PRIM1: variants seen among roughly 807,000 people sequenced by gnomAD.
The protein encoded by PRIM1 is DNA primase subunit 1, also known as DNA primase small subunit.
Under a neutral mutation model 60.2 loss-of-function variants are expected in PRIM1, and 38 were observed. The observed-to-expected ratio is 0.63, with a 90% CI of 0.49 to 0.83. PRIM1 has a LOEUF of 0.83. Among genes scored for constraint, PRIM1 ranks in the 40% least tolerant of loss-of-function variants. The pLI, the probability that PRIM1 is intolerant of heterozygous loss-of-function variation, is 0.00. For missense variants in PRIM1, 388 were observed against 506.2 expected (o/e 0.77, Z 2.24); for synonymous variants, 158 against 160.2 (o/e 0.99, Z 0.10).
intron 7 of PRIM1, among the ~76,000 whole-genome samples, chr12:56,742,466 G>C (rs1275192254): frequency 6.6e-6 from 1 of 152,048 alleles, no homozygotes; most frequent in Non-Finnish European, 1.5e-5. Flanking sequence ...CTATTTGGGA[G>C]GCTGAGGCAG....
intron 11 of PRIM1, among the ~76,000 whole-genome samples, chr12:56,737,540 G>T (rs2137859643): frequency 6.6e-6 from 1 of 151,862 alleles, no homozygotes; most frequent in East Asian, 1.9e-4. Flanking sequence ...GGATAGACAG[G>T]GTTTCTCCAT....
At chr12:56,743,437 A>G (rs1417331976) in intron 6 of PRIM1, 2 of 169,708 alleles carry the variant, frequency 1.2e-5, no homozygotes, top group Non-Finnish European at 2.5e-5. Context: ...GATGCAGCCT[A>G]CACTTTCCAC....
intron 2 of PRIM1, among the ~76,000 whole-genome samples, chr12:56,748,520 G>A (rs537794239): frequency 6.6e-6 from 1 of 151,912 alleles, no homozygotes; most frequent in East Asian, 1.9e-4. Flanking sequence ...CCAGCTACTC[G>A]GGAGGGTGAG....
At position 56,741,431 on chromosome 12, in the gene PRIM1, G is replaced by A. The variant is rs914767335; in HGVS notation, c.982+4C>T. ...TAGTTTTCCTTAGTTTCCTTGTGTA[G>A]TACCTGTTTTAGGATGAACACTAAA... On this transcript the variant is annotated splice_donor_region_variant and intron_variant, in intron 9 of 12. Coordinates refer to ENST00000338193, the MANE Select transcript of PRIM1 (RefSeq NM_000946.3). 1.2e-6 allele frequency: 2 copies of A among 1,603,964 alleles called. No individual in the cohort carries two copies. Among genetic ancestry groups the A allele is most frequent in the African/African-American group, 1.3e-5 (1 of 74,312 alleles).
intron 11 of PRIM1, 21 bp downstream of exon 11, chr12:56,738,413 A>G: frequency 6.4e-7 from 1 of 1,559,230 alleles, no homozygotes; most frequent in South Asian, 1.2e-5. Context: ...TTTAAAGTGA[A>G]GCTTCAAAAT....
Position 56,744,493 on chromosome 12 carries a change from C to T in PRIM1, c.580-370G>A, listed in dbSNP as rs1201014117. Among the ~76,000 whole-genome samples the T allele has an allele frequency of 2.1e-5, 3 of 142,900 alleles. No homozygotes were observed. The East Asian group carries it at 6.0e-4, about 29-fold the overall frequency. 93.7% of individuals were successfully genotyped at this position (142,900 alleles called of 152,430 possible). A position where few individuals can be genotyped will look rare whatever the true frequency, so the allele number is the denominator to read the frequency against. ...GGGTGACAAGAGCGAGACTCCATCTCAAAAAAAAAAGAAAAAGATGGTGGG... is the reference window on the plus strand; with the variant it reads ...GGGTGACAAGAGCGAGACTCCATCTTAAAAAAAAAAGAAAAAGATGGTGGG... On this transcript the variant is annotated intron_variant, in intron 5 of 12. Coordinates refer to ENST00000338193, the MANE Select transcript of PRIM1 (RefSeq NM_000946.3).
chr12:56,742,661 T>C (rs1953881107), intron 7 of PRIM1, among the ~76,000 whole-genome samples: 1 of 152,090 alleles, frequency 6.6e-6, no homozygotes, highest in African/African-American at 2.4e-5. Context: ...ACAGTGATGA[T>C]ATAACAGAAA....
At chr12:56,751,570 G>A (rs1455011757) in intron 1 of PRIM1, 1 of 157,182 alleles carries the variant, frequency 6.4e-6, no homozygotes, top group South Asian at 1.8e-4. Context: ...ATAGGCGTAA[G>A]CCACGGCACT....
rs776115403 is a variant in PRIM1 at position 56,738,544 on chromosome 12, G to A, written c.1053-19C>T. 4 of 1,559,362 alleles carry A rather than the reference G, an allele frequency of 2.6e-6. No homozygotes were observed. The highest frequency in any genetic ancestry group is 2.4e-5 in the South Asian group (2 of 84,834). ...GATGAAGCTGCAAGTAACAGAACAA[G>A]AGAATTTTGTTTTTGTTTTTGTTTT... On this transcript the variant is annotated intron_variant, in intron 10 of 12. Transcript: ENST00000338193.
rs767876815 is a variant in PRIM1 at position 56,741,784 on chromosome 12, G to A, written c.802C>T (p.Arg268Cys). Residue 268 changes from arginine to cysteine, a missense_variant, in exon 8 of 13, where the codon CGT (arginine) becomes TGT (cysteine). By Grantham distance (180) the Arg-to-Cys change is radical. This residue lies in a region of PRIM1 where 211 missense variants were observed against 277.9 expected (regional missense o/e 0.76). Coordinates refer to ENST00000338193, the MANE Select transcript of PRIM1 (RefSeq NM_000946.3). The part of the protein sequence containing the change: ...SFQKSHNSLQ[R>C]WEHLKKVASR... Reference sequence around the variant, plus strand: ...GCTACTTTCTTCAAGTGCTCCCAACGCTGAAGTGAATTGTGAGACTTTTGG... The same window carrying A: ...GCTACTTTCTTCAAGTGCTCCCAACACTGAAGTGAATTGTGAGACTTTTGG... The A allele has an allele frequency of 2.5e-6, 4 of 1,613,856 alleles. No individual in the cohort carries two copies. The African/African-American group carries it at 4.0e-5, about 16-fold the overall frequency.
chr12:56,745,938 C>CAAAAAAAAAAAA (rs11331084), intron 5 of PRIM1, 107 bp downstream of exon 5: 1 of 891,476 alleles, frequency 1.1e-6, no homozygotes, highest in Non-Finnish European at 1.5e-6. Context: ...GAGTCCATCT[C>CAAAAAAAAAAAA]AAAAAAAAAA....
chr12:56,738,390 T>G, intron 11 of PRIM1, 44 bp downstream of exon 11: 3 of 1,493,068 alleles, frequency 2.0e-6, no homozygotes, highest in Non-Finnish European at 2.7e-6. Context: ...GATATCTATA[T>G]AAAAACCCTG....
At chr12:56,746,306 C>G (rs1015361405) in intron 4 of PRIM1, 125 bp from the exon 5 acceptor site, 1 of 1,161,184 alleles carries the variant, frequency 8.6e-7, no homozygotes, top group Non-Finnish European at 1.3e-6. Flanking sequence ...CCATCCTGGT[C>G]TCTCTGCTGG....
chr12:56,751,197 T>C lies in PRIM1; in HGVS notation c.104-2A>G. Reference sequence around the variant, plus strand: ...GGTGTTGAAAGTAATTCTTTATCACTGCAAAATAAATGTACATTTTAAAGT... The same window carrying C: ...GGTGTTGAAAGTAATTCTTTATCACCGCAAAATAAATGTACATTTTAAAGT... On this transcript the variant is annotated splice_acceptor_variant, in intron 1 of 12. Coordinates refer to ENST00000338193, the MANE Select transcript of PRIM1 (RefSeq NM_000946.3). LOFTEE classifies it high-confidence loss of function. The C allele has an allele frequency of 6.6e-7, 1 of 1,522,346 alleles. No individual in the cohort carries two copies. Among genetic ancestry groups the C allele is most frequent in the Non-Finnish European group, 8.9e-7 (1 of 1,129,762 alleles). 94.3% of individuals were successfully genotyped at this position (1,522,346 alleles called of 1,614,324 possible). A position where few individuals can be genotyped will look rare whatever the true frequency, so the allele number is the denominator to read the frequency against.
intron 1 of PRIM1, chr12:56,751,448 G>A (rs1953958035): frequency 8.5e-6 from 2 of 236,470 alleles, no homozygotes; most frequent in Non-Finnish European, 1.6e-5. Context: ...ACCATGCCCA[G>A]ATAATTTTTG....
At chr12:56,747,921 C>G (rs1309948910) in intron 2 of PRIM1, among the ~76,000 whole-genome samples, 1 of 151,908 alleles carries the variant, frequency 6.6e-6, no homozygotes, top group Non-Finnish European at 1.5e-5. Context: ...TAGGTGATAC[C>G]AGGTATTGTT....
Position 56,751,086 on chromosome 12 carries a change from C to T in PRIM1, c.213G>A (p.Gln71=). Residue 71 remains glutamine, a synonymous_variant, in exon 2 of 13, where the codon CAG becomes CAA. Coordinates refer to ENST00000338193, the MANE Select transcript of PRIM1 (RefSeq NM_000946.3). ...TATCAATCTTGTATGGATTCATTTT[C>T]TGCATCTCCTTTTCCAGATCACTCT... ...NNQSDLEKEM[Q]KMNPYKIDIG... The T allele has an allele frequency of 6.2e-7, 1 of 1,600,264 alleles. No individual in the cohort carries two copies. The highest frequency in any genetic ancestry group is 8.5e-7 in the Non-Finnish European group (1 of 1,172,496).
intron 2 of PRIM1, among the ~76,000 whole-genome samples, chr12:56,749,778 T>A (rs899898328): frequency 1.2e-4 from 18 of 152,216 alleles, no homozygotes. Context: ...AGTAACAAGT[T>A]ATATAACATG....
intron 5 of PRIM1, among the ~76,000 whole-genome samples, chr12:56,745,106 C>CAAA (rs769500502): frequency 1.0e-5 from 1 of 97,184 alleles, no homozygotes; most frequent in Non-Finnish European, 2.2e-5. Flanking sequence ...GACTCCGTCT[C>CAAA]AAAAAAAAAA....
Sources: allele counts gnomAD v4.1 joint callset (sites outside exome capture counted in the v4.1 genomes callset), GRCh38; gene constraint gnomAD v4.1.1; regional missense constraint gnomAD v4.1.1; transcripts MANE v1.5; gene names NCBI Gene and HGNC (gene_info 2026-07-23, HGNC 2026-07-21).